The following NIBAN2 variants were observed in gnomAD, a reference collection of about 807,000 sequenced individuals.
NIBAN2 encodes niban apoptosis regulator 2.
A neutral mutation model predicts 81.8 loss-of-function variants in NIBAN2; 36 were observed. That is an observed-to-expected ratio of 0.44 (90% CI 0.34 to 0.58). NIBAN2 has a LOEUF of 0.58. NIBAN2 is among the 20% of genes least tolerant of loss of function. The pLI is 0.02. For synonymous variants in NIBAN2, 445 were observed against 441.6 expected, an observed-to-expected ratio of 1.01 and a Z score of -0.10; for missense variants, 897 against 1,014.1, an observed-to-expected ratio of 0.88 and a Z score of 1.57.
intron 8 of NIBAN2, among the ~76,000 whole-genome samples, chr9:127,511,210 AT>A (rs949988881): frequency 1.6e-4 from 24 of 150,938 alleles, no homozygotes; most frequent in Admixed American, 1.5e-3. Flanking sequence ...ATGCCCGGTG[AT>A]TTTTTTTTGT....
At chr9:127,569,544 G>A (rs2132244736), upstream of NIBAN2, among the ~76,000 whole-genome samples, 1 of 151,962 alleles carries the variant, frequency 6.6e-6, no homozygotes. Context: ...AGGAGGATGT[G>A]GGGCACTGGC....
At chr9:127,553,797 C>A (rs1031810968) in intron 1 of NIBAN2, among the ~76,000 whole-genome samples, 8 of 152,126 alleles carry the variant, frequency 5.3e-5, no homozygotes, top group Non-Finnish European at 1.0e-4. Context: ...CTAATTGCAG[C>A]CTCAACCTCC....
chr9:127,510,768 T>C (rs1198067505), intron 8 of NIBAN2, among the ~76,000 whole-genome samples: 2 of 152,172 alleles, frequency 1.3e-5, no homozygotes, highest in Non-Finnish European at 2.9e-5. Context: ...GGTCTTACTC[T>C]GTTGTCCAGG....
At position 127,509,149 on chromosome 9, in the gene NIBAN2, G is replaced by T; in HGVS notation, c.1162-18C>A. The T allele has an allele frequency of 6.2e-7, 1 of 1,600,960 alleles. No individual in the cohort carries two copies. The highest frequency in any genetic ancestry group is 1.1e-5 in the South Asian group (1 of 90,436). On this transcript the variant is annotated intron_variant, in intron 9 of 13. Transcript: ENST00000373312. ...TCCATGTACTGCAGGGGCCGGGGCC[G>T]CGGGGGCTGAGCAGGGCCGCCCTGT...
At chr9:127,534,425 A>G (rs1398214076) in intron 1 of NIBAN2, among the ~76,000 whole-genome samples, 1 of 152,290 alleles carries the variant, frequency 6.6e-6, no homozygotes, top group Non-Finnish European at 1.5e-5. Context: ...TCACTGGCAT[A>G]AGGTCACACA....
intron 1 of NIBAN2, among the ~76,000 whole-genome samples, chr9:127,562,350 T>A (rs1837788694): frequency 6.6e-6 from 1 of 152,100 alleles, no homozygotes; most frequent in Non-Finnish European, 1.5e-5. Flanking sequence ...GCCACTGAGG[T>A]GGGAATTCAA....
chr9:127,568,703 G>A, intron 1 of NIBAN2, 117 bp downstream of exon 1: 2 of 942,066 alleles, frequency 2.1e-6, no homozygotes, highest in East Asian at 4.0e-5. Context: ...AGCTCCCACC[G>A]GCCCGGCCTG....
rs1188801068 is a variant in NIBAN2 at position 127,531,765 on chromosome 9, C to T, written c.69G>A (p.Lys23=). ...RRQHIAEKTG[K]ILTEFLQFYE... is the part of the protein sequence containing the mutation. ...AGAACTGGAGGAACTCCGTCAGGAT[C>T]TTCCCGGTTTTTTCTGGAAGAGAAG... Residue 23 remains lysine (K), a synonymous_variant, in exon 2 of 14, where the codon AAG becomes AAA. Coordinates refer to ENST00000373312, the MANE Select transcript of NIBAN2 (RefSeq NM_022833.4). The T allele has an allele frequency of 6.2e-7, 1 of 1,614,078 alleles. No individual in the cohort carries two copies. Among genetic ancestry groups the T allele is most frequent in the Non-Finnish European group, 8.5e-7 (1 of 1,180,034 alleles).
intron 1 of NIBAN2, among the ~76,000 whole-genome samples, chr9:127,564,119 C>A (rs1039456385): frequency 6.6e-6 from 1 of 151,838 alleles, no homozygotes; most frequent in Non-Finnish European, 1.5e-5. Flanking sequence ...ATGGTAAAAC[C>A]CCATCTCTAC....
chr9:127,533,593 A>G (rs1837223835), intron 1 of NIBAN2, among the ~76,000 whole-genome samples: 1 of 150,602 alleles, frequency 6.6e-6, no homozygotes, highest in Admixed American at 6.6e-5. Flanking sequence ...ATGATCGTGC[A>G]ACTGCACTCC....
At chr9:127,537,566 G>A (rs891785419) in intron 1 of NIBAN2, among the ~76,000 whole-genome samples, 1 of 152,164 alleles carries the variant, frequency 6.6e-6, no homozygotes, top group Non-Finnish European at 1.5e-5. Context: ...CGTTTGATGG[G>A]GGGTCCTGCC....
At chr9:127,549,884 A>G (rs1467423692) in intron 1 of NIBAN2, among the ~76,000 whole-genome samples, 2 of 152,130 alleles carry the variant, frequency 1.3e-5, no homozygotes, top group Non-Finnish European at 2.9e-5. Context: ...AGAGGGGGCC[A>G]GAAGGGGAGG....
intron 5 of NIBAN2, among the ~76,000 whole-genome samples, chr9:127,522,009 C>G (rs964366141): frequency 6.6e-6 from 1 of 152,238 alleles, no homozygotes; most frequent in African/African-American, 2.4e-5. Context: ...GCAGGTCACC[C>G]ACCCTGCCAG....
chr9:127,562,710 G>A (rs536485221), intron 1 of NIBAN2, among the ~76,000 whole-genome samples: 2 of 152,316 alleles, frequency 1.3e-5, no homozygotes, highest in African/African-American at 4.8e-5. Context: ...ATCGGTCTTC[G>A]ACAGGGAAGT....
chr9:127,560,043 C>T (rs1168889190), intron 1 of NIBAN2, among the ~76,000 whole-genome samples: 1 of 152,206 alleles, frequency 6.6e-6, no homozygotes, highest in African/African-American at 2.4e-5. Flanking sequence ...GCAGTCCTGA[C>T]AGCATCTCAA....
At chr9:127,547,297 A>G (rs1768675203) in intron 1 of NIBAN2, among the ~76,000 whole-genome samples, 1 of 151,924 alleles carries the variant, frequency 6.6e-6, no homozygotes, top group Non-Finnish European at 1.5e-5. Flanking sequence ...TTGGGAGGTC[A>G]CCTAAGGTCA....
At chr9:127,512,724 A>G (rs1320977709) in intron 8 of NIBAN2, among the ~76,000 whole-genome samples, 1 of 152,180 alleles carries the variant, frequency 6.6e-6, no homozygotes, top group Non-Finnish European at 1.5e-5. Context: ...GGCAAAATCA[A>G]CTTTCTAATT....
chr9:127,517,858 T>A lies in NIBAN2; in HGVS notation c.673A>T (p.Thr225Ser), dbSNP rs774831020. The A allele has an allele frequency of 6.2e-7, 1 of 1,613,706 alleles. No individual in the cohort carries two copies. The highest frequency in any genetic ancestry group is 8.5e-7 in the Non-Finnish European group (1 of 1,179,918). ...MYRQSKELYG[T>S]WEMLCGNEVQ... ...TCGTTCCCACACAGCATCTCCCAGG[T>A]GCCGTACAGCTCCTTGGACTGTCGG... is the stretch of plus-strand genomic sequence containing the variant. Residue 225 changes from threonine to serine, a missense_variant, in exon 6 of 14, where the codon ACC becomes TCC. Coordinates refer to ENST00000373312, the MANE Select transcript of NIBAN2 (RefSeq NM_022833.4). This position sits in a 1 kb window ranked among gnomAD's most constrained non-coding sequence, Gnocchi z 4.0.
chr9:127,533,435 C>T (rs915203833), intron 1 of NIBAN2, among the ~76,000 whole-genome samples: 5 of 152,018 alleles, frequency 3.3e-5, no homozygotes, highest in South Asian at 2.1e-4. Flanking sequence ...CCAGCCTGGG[C>T]GACAGAGCGA....
Sources: allele counts gnomAD v4.1 joint callset (sites outside exome capture counted in the v4.1 genomes callset), GRCh38; gene constraint gnomAD v4.1.1; non-coding constraint Gnocchi (gnomAD v3.1); transcripts MANE v1.5; gene names NCBI Gene and HGNC (gene_info 2026-07-23, HGNC 2026-07-21).